BAZ1A: variants seen among roughly 807,000 people sequenced by gnomAD.
BAZ1A encodes the protein bromodomain adjacent to zinc finger domain protein 1A.
In BAZ1A, 50 loss-of-function variants were observed where a neutral mutation model predicts 185.2. That is an observed-to-expected ratio of 0.27 (90% confidence interval 0.22 to 0.34). The LOEUF (loss-of-function observed/expected upper bound fraction) is 0.34. Among genes scored for constraint, BAZ1A ranks in the 10% least tolerant of loss-of-function variants. The probability of loss-of-function intolerance (pLI) is 1.00; values close to 1 mark genes in which losing one functional copy is unlikely to be tolerated. For missense variants in BAZ1A, 1,356 were observed against 1,839.9 expected (o/e 0.74, Z 4.81); for synonymous variants, 571 against 615.6 (o/e 0.93, Z 1.07).
rs5807795 is a variant in BAZ1A at position 34,760,488 on chromosome 14, CTTT to C, written c.4243+1266_4243+1268del. Among the ~76,000 whole-genome samples, 10 of 139,586 alleles carry C rather than the reference CTTT, an allele frequency of 7.2e-5. No homozygotes were observed. In the East Asian group the frequency reaches 1.0e-3, roughly 14 times the overall value. 91.6% of individuals were successfully genotyped at this position (139,586 alleles called of 152,430 possible). On this transcript the variant is annotated intron_variant, in intron 24 of 26. Transcript: ENST00000360310. ...TCTAAAATTCTCTGAAGAACAGTGG[CTTT>C]TTTTTTTTTTTTGAGAAACAGTGGC...
chr14:34,842,579 T>C (rs1436286532), intron 3 of BAZ1A, among the ~76,000 whole-genome samples: 1 of 152,236 alleles, frequency 6.6e-6, no homozygotes, highest in Non-Finnish European at 1.5e-5. Flanking sequence ...AAGCTTAATC[T>C]GACCACGCTT....
chr14:34,833,110 T>C lies in BAZ1A; in HGVS notation c.393-6954A>G, dbSNP rs181848056. Among the ~76,000 whole-genome samples, 336 of 152,076 alleles carry C rather than the reference T, an allele frequency of 2.2e-3. 3 individuals carry two copies. Among genetic ancestry groups the C allele is most frequent in the African/African-American group, 7.8e-3 (325 of 41,480 alleles). On this transcript the variant is annotated intron_variant, in intron 3 of 26. Transcript: ENST00000360310. ...TTTAAAAATTAGCCAGGTGTGGTGG[T>C]GCACATCAGTGGTCCCAGCTGCTAG...
Position 34,764,918 on chromosome 14 carries a change from C to T in BAZ1A, c.3565G>A (p.Asp1189Asn). ...GGTCGACATTCTGGACAAAACCAGT[C>T]TCCTTCAGGCACAGTCTGAAAAAAT... ...RPKLKTVPEG[D>N]WFCPECRPKQ... Residue 1189 changes from aspartate to asparagine, a missense_variant, in exon 23 of 27, where the codon GAC becomes AAC. Asp to Asn is a conservative substitution (Grantham distance 23, BLOSUM62 1). Around this residue, in one of 7 missense-constraint regions of BAZ1A, gnomAD observed 309 missense variants for 355.3 expected, o/e 0.87. Coordinates refer to ENST00000360310, the MANE Select transcript of BAZ1A (RefSeq NM_013448.3). The T allele has an allele frequency of 6.2e-7, 1 of 1,614,118 alleles. No individual in the cohort carries two copies. Among genetic ancestry groups the T allele is most frequent in the Non-Finnish European group, 8.5e-7 (1 of 1,180,020 alleles).
At position 34,758,694 on chromosome 14, in the gene BAZ1A, T is replaced by C. The variant is rs1433850742; in HGVS notation, c.4386+10A>G. ...ATACAGGAATACATTTTATCAAGTC[T>C]AGTAATTACCTGGATTTTAGAAACA... On this transcript the variant is annotated intron_variant, in intron 25 of 26. Transcript: ENST00000360310. 1 of 1,613,376 alleles carries C rather than the reference T, an allele frequency of 6.2e-7. No individual in the cohort carries two copies. The highest frequency in any genetic ancestry group is 1.7e-5 in the Admixed American group (1 of 59,928).
chr14:34,802,305 C>G (rs1304213183), intron 7 of BAZ1A, among the ~76,000 whole-genome samples: 1 of 152,142 alleles, frequency 6.6e-6, no homozygotes, highest in Non-Finnish European at 1.5e-5. Context: ...TCTGGGCTCA[C>G]AGCAACCTCA....
Position 34,781,424 on chromosome 14 carries a change from C to T in BAZ1A, c.2112-1114G>A, listed in dbSNP as rs564341610. ...AGTAGTCATTTCCCATTTCCTCTTT[C>T]CTGCTGCCCCTGGCAACCAACATCT... On this transcript the variant is annotated intron_variant, in intron 16 of 26. Coordinates refer to ENST00000360310, the MANE Select transcript of BAZ1A (RefSeq NM_013448.3). Among the ~76,000 whole-genome samples, 5 of 152,306 alleles carry T rather than the reference C, an allele frequency of 3.3e-5. No homozygotes were observed. In the East Asian group the frequency reaches 9.7e-4, roughly 29 times the overall value.
At chr14:34,761,639 T>C (rs1886525084) in intron 24 of BAZ1A, 118 bp downstream of exon 24, 1 of 866,558 alleles carries the variant, frequency 1.2e-6, no homozygotes, top group Non-Finnish European at 1.8e-6. Flanking sequence ...GATTGTTCCC[T>C]AATAACTTTG....
intron 2 of BAZ1A, among the ~76,000 whole-genome samples, chr14:34,868,349 G>C (rs1040620309): frequency 6.6e-6 from 1 of 152,160 alleles, no homozygotes; most frequent in African/African-American, 2.4e-5. Context: ...AAGTTGCTGA[G>C]TTACAAGGGA....
At chr14:34,768,424 ATAGC>A (rs1341280085) in intron 21 of BAZ1A, among the ~76,000 whole-genome samples, 3 of 152,204 alleles carry the variant, frequency 2.0e-5, no homozygotes, top group Admixed American at 2.0e-4. Context: ...CTTTTCACTA[ATAGC>A]TAAGTATACA....
intron 7 of BAZ1A, among the ~76,000 whole-genome samples, chr14:34,802,133 C>T (rs1029870325): frequency 1.3e-5 from 2 of 152,014 alleles, no homozygotes; most frequent in African/African-American, 4.8e-5. Flanking sequence ...AAAAGACATA[C>T]CAGAAAAATT....
At chr14:34,865,999 G>A (rs941256550) in intron 2 of BAZ1A, among the ~76,000 whole-genome samples, 33 of 151,996 alleles carry the variant, frequency 2.2e-4, no homozygotes, top group Admixed American at 1.1e-3. Context: ...ACCAGACTGC[G>A]CAACAAAGCG....
At chr14:34,830,745 A>ATTTATG (rs1455644430) in intron 3 of BAZ1A, among the ~76,000 whole-genome samples, 6 of 148,616 alleles carry the variant, frequency 4.0e-5, no homozygotes, top group Admixed American at 3.4e-4. Context: ...CTGGAATTAT[A>ATTTATG]TTTATGGTAT....
At chr14:34,814,744 T>C (rs1320937524) in intron 4 of BAZ1A, among the ~76,000 whole-genome samples, 1 of 151,884 alleles carries the variant, frequency 6.6e-6, no homozygotes. Flanking sequence ...CCCAAAGTGC[T>C]GGGATTACAG....
In BAZ1A at chr14:34,862,986, CTCTTTT is replaced by C. The variant is rs1452361198; in HGVS notation, c.114-670_114-665del. 2.8e-3 allele frequency among the ~76,000 whole-genome samples: 339 copies of C among 120,146 alleles called. 1 individual carries two copies. Among genetic ancestry groups the C allele is most frequent in the African/African-American group, 6.2e-3 (223 of 35,788 alleles). The allele number at this position is 120,146 out of a possible 152,430, so 78.8% of individuals were successfully genotyped here. A position where few individuals can be genotyped will look rare whatever the true frequency, so the allele number is the denominator to read the frequency against. ...TATTTTCAAAAACTCTATCCACTCTCTCTTTTTTTTTTTTTTTTTTGAGACGGAGTC... is the reference window on the plus strand; with the variant it reads ...TATTTTCAAAAACTCTATCCACTCTCTTTTTTTTTTTTTTGAGACGGAGTC... On this transcript the variant is annotated intron_variant, in intron 2 of 26. Coordinates refer to ENST00000360310, the MANE Select transcript of BAZ1A (RefSeq NM_013448.3).
At chr14:34,850,032 A>G (rs1419984762) in intron 3 of BAZ1A, among the ~76,000 whole-genome samples, 1 of 152,160 alleles carries the variant, frequency 6.6e-6, no homozygotes, top group East Asian at 1.9e-4. Context: ...CTACTATGAC[A>G]GTCACTCAAA....
intron 3 of BAZ1A, among the ~76,000 whole-genome samples, chr14:34,840,812 A>G (rs2042403280): frequency 6.6e-6 from 1 of 151,864 alleles, no homozygotes; most frequent in Non-Finnish European, 1.5e-5. Context: ...ACTTATACTT[A>G]TTACTCCCTT....
At chr14:34,796,499 G>C (rs1677055165) in intron 9 of BAZ1A, among the ~76,000 whole-genome samples, 1 of 152,152 alleles carries the variant, frequency 6.6e-6, no homozygotes, top group Non-Finnish European at 1.5e-5. Context: ...ACAGCCTAGA[G>C]ATACAAAGAG....
In BAZ1A at chr14:34,758,782, A is replaced by G; in HGVS notation, c.4308T>C (p.Ser1436=). 4 of 1,614,220 alleles carry G rather than the reference A, an allele frequency of 2.5e-6. No homozygotes were observed. The highest frequency in any genetic ancestry group is 1.1e-5 in the South Asian group (1 of 91,088). Residue 1436 remains serine (S), a synonymous_variant, in exon 25 of 27, where the codon TCT becomes TCC. Coordinates refer to ENST00000360310, the MANE Select transcript of BAZ1A (RefSeq NM_013448.3). The stretch of plus-strand genomic sequence containing the variant: ...ATTCTACAACAAGTTGTTCAAAAGC[A>G]GACAATTCATGAACTCCTCCCTGTC... ...SGRQGGVHEL[S]AFEQLVVELV...
At chr14:34,847,466 A>G (rs2042533005) in intron 3 of BAZ1A, among the ~76,000 whole-genome samples, 1 of 152,082 alleles carries the variant, frequency 6.6e-6, no homozygotes, top group African/African-American at 2.4e-5. Context: ...GTTGCTAAAA[A>G]TCTATACTAT....
Sources: allele counts gnomAD v4.1 joint callset (sites outside exome capture counted in the v4.1 genomes callset), GRCh38; gene constraint gnomAD v4.1.1; regional missense constraint gnomAD v4.1.1; transcripts MANE v1.5; gene names NCBI Gene and HGNC (gene_info 2026-07-23, HGNC 2026-07-21).